Variants in MLLT10 observed in about 807,000 individuals in gnomAD.
MLLT10 encodes the protein protein AF-10.
In MLLT10, 30 loss-of-function variants were observed where a neutral mutation model predicts 129.1. The observed-to-expected ratio is 0.23, with a 90% CI of 0.17 to 0.32. The LOEUF is 0.32. Ranked by LOEUF, MLLT10 falls within the 10% of genes least tolerant of loss-of-function variation. The pLI, the probability that MLLT10 is intolerant of heterozygous loss-of-function variation, is 1.00. For missense variants in MLLT10, 1,119 were observed against 1,268.3 expected (o/e 0.88, Z 1.79); for synonymous variants, 490 against 446.4 (o/e 1.10, Z -1.23).
chr10:21,555,651 C>T (rs535607772), intron 3 of MLLT10, among the ~76,000 whole-genome samples: 1 of 151,304 alleles, frequency 6.6e-6, no homozygotes, highest in African/African-American at 2.4e-5. Flanking sequence ...TGGTGATTCT[C>T]AGCCTTGATT....
At chr10:21,607,519 C>T (rs1333072698) in intron 5 of MLLT10, among the ~76,000 whole-genome samples, 1 of 152,030 alleles carries the variant, frequency 6.6e-6, no homozygotes, top group African/African-American at 2.4e-5. Context: ...ACGGTTTCTC[C>T]ATGTTAGTCA....
intron 9 of MLLT10, among the ~76,000 whole-genome samples, chr10:21,656,839 T>C (rs1041055470): frequency 1.3e-5 from 2 of 152,180 alleles, no homozygotes; most frequent in African/African-American, 4.8e-5. Flanking sequence ...GTAAGTGTCT[T>C]TTCCAGAAGC....
intron 3 of MLLT10, among the ~76,000 whole-genome samples, chr10:21,577,998 C>G (rs998383011): frequency 9.9e-5 from 15 of 151,726 alleles, no homozygotes; most frequent in African/African-American, 3.1e-4. Flanking sequence ...CGGGTTCAAG[C>G]GATTCTCGTG....
chr10:21,541,372 C>G (rs956762166), intron 3 of MLLT10: 1 of 151,918 alleles, frequency 6.6e-6, no homozygotes, highest in African/African-American at 2.4e-5. Context: ...GCCTGTAGCA[C>G]TTAACACCCA....
rs145508524 is a variant in MLLT10 at position 21,670,643 on chromosome 10, A to G, written c.990A>G (p.Arg330=). ...SSAHSSGQRG[R]KPGGGRNPGT... ...CTCACAGCTCAGGTCAAAGGGGAAG[A>G]AAGCCTGGTGGTGGAAGAAATCCAG... is the stretch of plus-strand genomic sequence containing the variant. Residue 330 remains arginine, a synonymous_variant, in exon 10 of 23, where the codon AGA becomes AGG. Coordinates refer to ENST00000307729, the MANE Select transcript of MLLT10 (RefSeq NM_001195626.3). 76 of 1,614,218 alleles carry G rather than the reference A, an allele frequency of 4.7e-5. No individual in the cohort carries two copies. The East Asian group carries it at 1.6e-3, about 35-fold the overall frequency.
chr10:21,583,119 G>A (rs1473058293), intron 3 of MLLT10, among the ~76,000 whole-genome samples: 2 of 152,154 alleles, frequency 1.3e-5, no homozygotes, highest in Non-Finnish European at 2.9e-5. Flanking sequence ...GCAGTGAGCC[G>A]AGATTGAGCC....
At chr10:21,587,547 T>A (rs1308364324) in intron 4 of MLLT10, among the ~76,000 whole-genome samples, 4 of 152,126 alleles carry the variant, frequency 2.6e-5, no homozygotes, top group African/African-American at 9.7e-5. Context: ...AGAAATCATA[T>A]TTTTCTACAG....
chr10:21,718,883 C>G (rs893344075), intron 14 of MLLT10, among the ~76,000 whole-genome samples: 1 of 152,190 alleles, frequency 6.6e-6, no homozygotes, highest in Admixed American at 6.5e-5. Context: ...ACCACCACGC[C>G]TGGCTAATTT....
intron 13 of MLLT10, among the ~76,000 whole-genome samples, chr10:21,705,085 G>T (rs754951236): frequency 3.3e-5 from 5 of 152,156 alleles, no homozygotes; most frequent in African/African-American, 7.2e-5. Flanking sequence ...AGTTGGCTCT[G>T]TAGGTTGGAC....
intron 3 of MLLT10, among the ~76,000 whole-genome samples, chr10:21,577,527 A>G (rs1449654931): frequency 2.0e-5 from 3 of 149,552 alleles, no homozygotes; most frequent in Non-Finnish European, 4.4e-5. Flanking sequence ...GCAATGGTGC[A>G]ATGGCGCAAT....
At chr10:21,714,276 T>C (rs998752304) in intron 14 of MLLT10, among the ~76,000 whole-genome samples, 1 of 152,154 alleles carries the variant, frequency 6.6e-6, no homozygotes, top group Non-Finnish European at 1.5e-5. Context: ...TTTTGGACTC[T>C]TGTGATTTTT....
In MLLT10 at chr10:21,619,029, TACACACACACAC is replaced by T. The variant is rs66469025; in HGVS notation, c.699+1851_699+1862del. 4.5e-3 allele frequency among the ~76,000 whole-genome samples: 644 copies of T among 143,882 alleles called. 7 individuals carry two copies. The highest frequency in any genetic ancestry group is 0.015 in the African/African-American group (581 of 38,802). The allele number at this position is 143,882 out of a possible 152,430, so 94.4% of individuals were successfully genotyped here. The stretch of plus-strand genomic sequence containing the variant: ...GCGTGAGCCACCGTGCCTGGTGACA[TACACACACACAC>T]ACACACACACACACACACACACACA... On this transcript the variant is annotated intron_variant, in intron 8 of 22. Transcript: ENST00000307729.
At chr10:21,713,287 G>A (rs947156049) in intron 13 of MLLT10, among the ~76,000 whole-genome samples, 9 of 152,092 alleles carry the variant, frequency 5.9e-5, no homozygotes, top group African/African-American at 1.7e-4. Context: ...TTTTGGTCTC[G>A]GAATTTCAAG....
Position 21,715,557 on chromosome 10 carries a change from T to A in MLLT10, c.1878+1607T>A, listed in dbSNP as rs534089040. Among the ~76,000 whole-genome samples, 16 of 152,354 alleles carry A rather than the reference T, an allele frequency of 1.1e-4. 1 individual carries two copies. The South Asian group carries it at 3.3e-3, about 32-fold the overall frequency. ...GATAGTTTTATATCCTTGGACAAAG[T>A]CTCACATGAACATTTTCAATGTGCA... On this transcript the variant is annotated intron_variant, in intron 14 of 22. Transcript: ENST00000307729.
At chr10:21,596,897 G>C (rs1470459469) in intron 5 of MLLT10, among the ~76,000 whole-genome samples, 4 of 151,824 alleles carry the variant, frequency 2.6e-5, no homozygotes, top group Admixed American at 1.3e-4. Context: ...TTTGTTGTTG[G>C]GATTCTAGCA....
chr10:21,627,840 T>C (rs1259707500), intron 8 of MLLT10, among the ~76,000 whole-genome samples: 1 of 152,222 alleles, frequency 6.6e-6, no homozygotes, highest in East Asian at 1.9e-4. Flanking sequence ...TGCTTTTTAC[T>C]ATAAACAGTA....
intron 11 of MLLT10, 113 bp from the exon 12 acceptor site, chr10:21,681,219 A>C: frequency 7.4e-7 from 1 of 1,359,172 alleles, no homozygotes; most frequent in Non-Finnish European, 1.0e-6. Flanking sequence ...TAGGTGGCCT[A>C]CTTAACTACA....
intron 21 of MLLT10, among the ~76,000 whole-genome samples, chr10:21,739,188 G>A (rs1425334056): frequency 1.3e-5 from 2 of 151,964 alleles, no homozygotes; most frequent in African/African-American, 2.4e-5. Context: ...AGCCAAGGTG[G>A]CCATGCCTTG....
chr10:21,600,154 G>T (rs12356674), intron 5 of MLLT10, among the ~76,000 whole-genome samples: 32,472 of 151,920 alleles, frequency 0.21, 4,405 homozygotes, highest in Middle Eastern at 0.44. Context: ...CCTTTGGTGT[G>T]TCTATTTTTA....
Sources: allele counts gnomAD v4.1 joint callset (sites outside exome capture counted in the v4.1 genomes callset), GRCh38; gene constraint gnomAD v4.1.1; transcripts MANE v1.5; gene names NCBI Gene and HGNC (gene_info 2026-07-23, HGNC 2026-07-21).